HCK: variants seen among roughly 807,000 people sequenced by gnomAD.
The protein encoded by HCK is tyrosine-protein kinase HCK.
A neutral mutation model predicts 70.4 loss-of-function variants in HCK; 40 were observed. The observed-to-expected ratio is 0.57, with a 90% confidence interval of 0.44 to 0.74. The LOEUF (loss-of-function observed/expected upper bound fraction) is 0.74. Among genes scored for constraint, HCK ranks in the 30% least tolerant of loss-of-function variants. HCK has a pLI of 0.00. For synonymous variants in HCK, 245 were observed against 263.2 expected (o/e 0.93, Z 0.67); for missense variants, 568 against 697.2 (o/e 0.81, Z 2.09).
chr20:32,075,706 T>TCATCCATC (rs56660439), intron 5 of HCK, among the ~76,000 whole-genome samples: 3,261 of 150,450 alleles, frequency 0.022, 95 homozygotes, highest in African/African-American at 0.068. Flanking sequence ...ATCCATCCAT[T>TCATCCATC]CATCCATCCA....
At chr20:32,088,544 G>T in intron 9 of HCK, 24 bp from the exon 10 acceptor site, 1 of 1,590,042 alleles carries the variant, frequency 6.3e-7, no homozygotes, top group Middle Eastern at 1.7e-4. Flanking sequence ...AGTAGTAAAT[G>T]TTCCTCCCCT....
chr20:32,094,797 GAAAGAAAGAA>G (rs2045926624), intron 11 of HCK, among the ~76,000 whole-genome samples: 15 of 33,298 alleles, frequency 4.5e-4, no homozygotes, highest in East Asian at 1.5e-3. Flanking sequence ...GAGAAAGAAA[GAAAGAAAGAA>G]AGAAAGAAAG....
chr20:32,089,979 G>A (rs184762602), intron 10 of HCK, among the ~76,000 whole-genome samples: 1 of 152,350 alleles, frequency 6.6e-6, no homozygotes, highest in East Asian at 1.9e-4. Context: ...CCCTGCCTGG[G>A]CCTCAGCTGG....
chr20:32,091,809 T>TA lies in HCK; in HGVS notation c.1093-2040dup, dbSNP rs5841096. Among the ~76,000 whole-genome samples, 552 of 145,534 alleles carry TA rather than the reference T, an allele frequency of 3.8e-3. 1 individual carries two copies. Among genetic ancestry groups the TA allele is most frequent in the Middle Eastern group, 0.01 (3 of 288 alleles). ...CCACATAGTGGGACCTCTTCTCTAT[T>TA]AAAAAAAAAAAAAATTCTTTTTAAA... On this transcript the variant is annotated intron_variant, in intron 10 of 12. Transcript: ENST00000375852.
chr20:32,058,240 A>G (rs932782614), intron 1 of HCK, among the ~76,000 whole-genome samples: 2 of 145,062 alleles, frequency 1.4e-5, no homozygotes, highest in African/African-American at 5.1e-5. Flanking sequence ...CAAAAAAAAA[A>G]TGGAACTGAG....
intron 10 of HCK, among the ~76,000 whole-genome samples, chr20:32,090,670 G>A (rs1392968146): frequency 1.3e-5 from 2 of 152,058 alleles, no homozygotes; most frequent in African/African-American, 4.8e-5. Context: ...AAACCCAAGG[G>A]TGCCCAACCT....
At chr20:32,077,962 T>C (rs1430002353) in intron 5 of HCK, among the ~76,000 whole-genome samples, 1 of 152,192 alleles carries the variant, frequency 6.6e-6, no homozygotes, top group East Asian at 1.9e-4. Flanking sequence ...ATGTCATTTC[T>C]CCCTTGTGCA....
chr20:32,098,117 G>C (rs1001997723), intron 11 of HCK, among the ~76,000 whole-genome samples: 1 of 151,412 alleles, frequency 6.6e-6, no homozygotes, highest in African/African-American at 2.4e-5. Flanking sequence ...GTGTGATCTC[G>C]GTTCACTGCA....
intron 1 of HCK, among the ~76,000 whole-genome samples, chr20:32,068,008 A>T (rs2045484648): frequency 6.6e-6 from 1 of 152,130 alleles, no homozygotes; most frequent in South Asian, 2.1e-4. Flanking sequence ...TTTAAAAATG[A>T]AAAATAGGCC....
At chr20:32,081,122 A>T (rs2122565754) in intron 6 of HCK, among the ~76,000 whole-genome samples, 1 of 152,256 alleles carries the variant, frequency 6.6e-6, no homozygotes, top group East Asian at 1.9e-4. Context: ...ATTACAATAG[A>T]TCTTATCCAC....
At position 32,101,623 on chromosome 20, in the gene HCK, C is replaced by T; in HGVS notation, c.*104C>T. The T allele has an allele frequency of 1.1e-6, 1 of 905,394 alleles. No homozygotes were observed. The highest frequency in any genetic ancestry group is 1.7e-6 in the Non-Finnish European group (1 of 594,884). The allele number at this position is 905,394 out of a possible 1,614,324, so 56.1% of individuals were successfully genotyped here. A position where few individuals can be genotyped will look rare whatever the true frequency, so the allele number is the denominator to read the frequency against. On this transcript the variant is annotated 3_prime_UTR_variant, in exon 13 of 13. Transcript: ENST00000375852. Reference sequence around the variant, plus strand: ...CACCCCCTTCCTACTCCCAGACACCCACCCTCGCTTCAGCCACAGTTTCCT... The same window carrying T: ...CACCCCCTTCCTACTCCCAGACACCTACCCTCGCTTCAGCCACAGTTTCCT...
intron 6 of HCK, among the ~76,000 whole-genome samples, chr20:32,080,419 G>A (rs1454787511): frequency 6.6e-6 from 1 of 152,042 alleles, no homozygotes; most frequent in Non-Finnish European, 1.5e-5. Context: ...GTATGGTCTC[G>A]ATCTCCTGAC....
In HCK at chr20:32,077,611, C is replaced by T. The variant is rs569602207; in HGVS notation, c.429-2163C>T. Among the ~76,000 whole-genome samples, 471 of 152,188 alleles carry T rather than the reference C, an allele frequency of 3.1e-3. 2 individuals carry two copies. The highest frequency in any genetic ancestry group is 4.0e-3 in the Non-Finnish European group (271 of 68,006). On this transcript the variant is annotated intron_variant, in intron 5 of 12. Transcript: ENST00000375852. ...GTGTGATCTCGGCTCACTGCAACCTCCGCCTCCCGGGTTCAAGCGATTCTC... is the reference window on the plus strand; with the variant it reads ...GTGTGATCTCGGCTCACTGCAACCTTCGCCTCCCGGGTTCAAGCGATTCTC...
chr20:32,070,699 C>T (rs973240755), intron 1 of HCK, among the ~76,000 whole-genome samples: 1 of 152,028 alleles, frequency 6.6e-6, no homozygotes, highest in African/African-American at 2.4e-5. Context: ...TATTTGTTGG[C>T]CTGTTTATTG....
At chr20:32,098,877 C>T in intron 11 of HCK, 127 bp from the exon 12 acceptor site, 1 of 1,009,534 alleles carries the variant, frequency 9.9e-7, no homozygotes, top group South Asian at 1.6e-5. Flanking sequence ...GGCCACGTAT[C>T]AGGGAAATTG....
chr20:32,072,274 T>C (rs2045552481), intron 2 of HCK: 1 of 156,800 alleles, frequency 6.4e-6, no homozygotes, highest in Admixed American at 6.2e-5. Context: ...AGGAGAGGTA[T>C]TTACCAACTT....
chr20:32,059,293 T>C lies in HCK; in HGVS notation c.62+6807T>C, dbSNP rs140643709. Among the ~76,000 whole-genome samples, 26 of 149,034 alleles carry C rather than the reference T, an allele frequency of 1.7e-4. No homozygotes were observed. In the Middle Eastern group the frequency reaches 0.014, roughly 80 times the overall value. The stretch of plus-strand genomic sequence containing the variant: ...TAATGTTTTAATCTTCCTTCCTTCC[T>C]TCCCTCCCTCCCTCCTTTCTTTTCT... On this transcript the variant is annotated intron_variant, in intron 1 of 12. Transcript: ENST00000375852.
chr20:32,073,868 A>C (rs2045582701), intron 4 of HCK, 50 bp downstream of exon 4: 1 of 1,086,084 alleles, frequency 9.2e-7, no homozygotes, highest in Non-Finnish European at 1.4e-6. Context: ...CCTCTACTCA[A>C]CTATGTGCTC....
chr20:32,086,076 G>C (rs1319859091), intron 8 of HCK, among the ~76,000 whole-genome samples: 2 of 152,190 alleles, frequency 1.3e-5, no homozygotes, highest in Non-Finnish European at 2.9e-5. Flanking sequence ...CTGGAGTGCA[G>C]TGGCTCAATC....
Sources: allele counts gnomAD v4.1 joint callset (sites outside exome capture counted in the v4.1 genomes callset), GRCh38; gene constraint gnomAD v4.1.1; transcripts MANE v1.5; gene names NCBI Gene and HGNC (gene_info 2026-07-23, HGNC 2026-07-21).